NRG1: variants seen among roughly 807,000 people sequenced by gnomAD.
NRG1 encodes the protein neuregulin 1.
Under a neutral mutation model 63.8 loss-of-function variants are expected in NRG1, and 18 were observed. The observed-to-expected ratio is 0.28, with a 90% CI of 0.19 to 0.42. The LOEUF is 0.42. Among genes scored for constraint, NRG1 ranks in the 10% least tolerant of loss-of-function variants. The probability of loss-of-function intolerance (pLI) is 1.00; values close to 1 mark genes in which losing one functional copy is unlikely to be tolerated. For missense variants in NRG1, 762 were observed against 814.7 expected, an observed-to-expected ratio of 0.94 and a Z score of 0.79; for synonymous variants, 302 against 301.3, an observed-to-expected ratio of 1.00 and a Z score of -0.02.
intron 1 of NRG1, among the ~76,000 whole-genome samples, chr8:31,995,395 A>T (rs1811799084): frequency 6.6e-6 from 1 of 151,994 alleles, no homozygotes; most frequent in African/African-American, 2.4e-5. Flanking sequence ...ATAATCCTGC[A>T]GAGTTTTTCA....
At chr8:32,062,341 A>G (rs75263811) in intron 1 of NRG1, among the ~76,000 whole-genome samples, 12,144 of 152,112 alleles carry the variant, frequency 0.08, 1,508 homozygotes, top group African/African-American at 0.26. Flanking sequence ...TACTGAATCA[A>G]TAGGATCTCC....
intron 1 of NRG1, among the ~76,000 whole-genome samples, chr8:31,717,855 A>G (rs1034011258): frequency 1.3e-5 from 2 of 152,210 alleles, no homozygotes; most frequent in African/African-American, 4.8e-5. Flanking sequence ...ATACCTAGGA[A>G]TATTCCAAGT....
At chr8:32,566,549 A>G (rs1306870904) in intron 1 of NRG1, among the ~76,000 whole-genome samples, 2 of 152,116 alleles carry the variant, frequency 1.3e-5, no homozygotes, top group African/African-American at 4.8e-5. Context: ...TTGAAGAAAA[A>G]GTAGTTGCTT....
intron 5 of NRG1, among the ~76,000 whole-genome samples, chr8:32,716,030 G>C (rs990477027): frequency 7.9e-5 from 12 of 152,070 alleles, no homozygotes; most frequent in Admixed American, 7.2e-4. Flanking sequence ...CTTGTTTTCT[G>C]CTTAGAGGCA....
At chr8:32,481,789 T>G (rs2129493140) in intron 1 of NRG1, among the ~76,000 whole-genome samples, 1 of 152,288 alleles carries the variant, frequency 6.6e-6, no homozygotes, top group African/African-American at 2.4e-5. Context: ...GGCCTTCCAG[T>G]TGCCTTAAAG....
rs531875795 is a variant in NRG1 at position 31,657,880 on chromosome 8, C to T, written c.37+18449C>T. Among the ~76,000 whole-genome samples the T allele has an allele frequency of 1.5e-3, 228 of 152,270 alleles. 3 individuals are homozygous for T. Among genetic ancestry groups the T allele is most frequent in the Admixed American group, 6.6e-3 (101 of 15,286 alleles). ...TCATCTGATCTGCTGTGTAGAACCA[C>T]GACAAGGCTGGGAACAAGAAGGTCT... is the stretch of plus-strand genomic sequence containing the variant. On this transcript the variant is annotated intron_variant, in intron 1 of 10. Coordinates refer to the NRG1 transcript ENST00000519301.
At chr8:31,877,909 A>C (rs10097931) in intron 1 of NRG1, among the ~76,000 whole-genome samples, 5,103 of 152,294 alleles carry the variant, frequency 0.034, 268 homozygotes, top group African/African-American at 0.12. Context: ...GTTTATAATC[A>C]TCGGAGCCTA....
chr8:32,127,193 G>A (rs930452756), intron 1 of NRG1, among the ~76,000 whole-genome samples: 1 of 151,902 alleles, frequency 6.6e-6, no homozygotes, highest in Non-Finnish European at 1.5e-5. Context: ...TGGCTAACCT[G>A]TTTTAGAACT....
intron 1 of NRG1, among the ~76,000 whole-genome samples, chr8:32,402,246 T>G (rs1171638190): frequency 1.3e-5 from 2 of 152,118 alleles, no homozygotes; most frequent in African/African-American, 4.8e-5. Flanking sequence ...AACACTTTCC[T>G]TACCCTTTGT....
chr8:32,107,448 T>C (rs1438371787), intron 1 of NRG1, among the ~76,000 whole-genome samples: 2 of 152,182 alleles, frequency 1.3e-5, no homozygotes, highest in African/African-American at 4.8e-5. Flanking sequence ...GCAAAACTCC[T>C]AGAGAATTTT....
chr8:31,822,181 T>C (rs1240062263), intron 1 of NRG1, among the ~76,000 whole-genome samples: 1 of 152,186 alleles, frequency 6.6e-6, no homozygotes, highest in Non-Finnish European at 1.5e-5. Context: ...ATTGGAGTAT[T>C]GCCTCAAATA....
intron 5 of NRG1, among the ~76,000 whole-genome samples, chr8:32,628,997 G>A (rs903667932): frequency 2.6e-5 from 4 of 152,066 alleles, no homozygotes; most frequent in African/African-American, 7.2e-5. Flanking sequence ...GCCTCCCAAA[G>A]GGCTGGTATT....
At chr8:32,648,951 C>A (rs910752322) in intron 5 of NRG1, among the ~76,000 whole-genome samples, 3 of 152,154 alleles carry the variant, frequency 2.0e-5, no homozygotes, top group African/African-American at 4.8e-5. Context: ...ACGGTGCTAG[C>A]CTCTCACTAG....
At chr8:31,706,016 A>T (rs1040676402) in intron 1 of NRG1, among the ~76,000 whole-genome samples, 1 of 152,236 alleles carries the variant, frequency 6.6e-6, no homozygotes, top group Non-Finnish European at 1.5e-5. Context: ...CAAATTCCTT[A>T]TAACAAGAGC....
rs531669746 is a variant in NRG1, at chr8:31,656,123, C to T, written c.37+16692C>T. Among the ~76,000 whole-genome samples the T allele has an allele frequency of 7.2e-5, 11 of 152,054 alleles. No homozygotes were observed. The South Asian group carries it at 2.3e-3, about 32-fold the overall frequency. Reference sequence around the variant, plus strand: ...TAGCTCCATGAAGTAGATAAGATTGCTTAGGGAAGGTGGGAGAGTGTAAGG... The same window carrying T: ...TAGCTCCATGAAGTAGATAAGATTGTTTAGGGAAGGTGGGAGAGTGTAAGG... On this transcript the variant is annotated intron_variant, in intron 1 of 10. Transcript: ENST00000519301.
chr8:32,194,648 C>A (rs776358114), intron 1 of NRG1, among the ~76,000 whole-genome samples: 1 of 152,122 alleles, frequency 6.6e-6, no homozygotes, highest in Non-Finnish European at 1.5e-5. Flanking sequence ...ACCATACCCA[C>A]TGAATGTGCT....
At chr8:32,254,177 GTC>G (rs1229799385) in intron 1 of NRG1, among the ~76,000 whole-genome samples, 1 of 151,968 alleles carries the variant, frequency 6.6e-6, no homozygotes, top group Non-Finnish European at 1.5e-5. Context: ...GGTTTTTCAT[GTC>G]TCTATCTCCT....
chr8:32,498,065 C>G (rs895562193), intron 1 of NRG1, among the ~76,000 whole-genome samples: 22 of 152,138 alleles, frequency 1.4e-4, no homozygotes, highest in African/African-American at 5.3e-4. Flanking sequence ...TCAGGTCATC[C>G]ACTCACCTCG....
chr8:32,392,398 G>C (rs541820961), intron 1 of NRG1, among the ~76,000 whole-genome samples: 1 of 152,324 alleles, frequency 6.6e-6, no homozygotes, highest in African/African-American at 2.4e-5. Context: ...AACATGAAAT[G>C]AGTAAAAACA....
Sources: allele counts gnomAD v4.1 joint callset (sites outside exome capture counted in the v4.1 genomes callset), GRCh38; gene constraint gnomAD v4.1.1; transcripts MANE v1.5; gene names NCBI Gene and HGNC (gene_info 2026-07-23, HGNC 2026-07-21).